The following TIAM1 variants were observed in gnomAD, a reference collection of about 807,000 sequenced individuals.
TIAM1 encodes TIAM Rac1 associated GEF 1, also known as rho guanine nucleotide exchange factor TIAM1.
A neutral mutation model predicts 163.5 loss-of-function variants in TIAM1; 65 were observed. The ratio of observed to expected loss-of-function variants is 0.40; its 90% CI spans 0.33 to 0.49. TIAM1 has a LOEUF of 0.49. TIAM1 is among the 20% of genes least tolerant of loss of function. The pLI, the probability that TIAM1 is intolerant of heterozygous loss-of-function variation, is 0.77. For synonymous variants in TIAM1, 833 were observed against 810.1 expected, an observed-to-expected ratio of 1.03 and a Z score of -0.48; for missense variants, 1,789 against 2,044.7, an observed-to-expected ratio of 0.87 and a Z score of 2.41.
At chr21:31,385,625 C>T (rs2076852623) in intron 2 of TIAM1, among the ~76,000 whole-genome samples, 1 of 150,058 alleles carries the variant, frequency 6.7e-6, no homozygotes, top group Non-Finnish European at 1.5e-5. Context: ...GGTAAGGTCC[C>T]AAAACTACAA....
intron 2 of TIAM1, among the ~76,000 whole-genome samples, chr21:31,442,867 G>A (rs934093373): frequency 6.6e-6 from 1 of 152,172 alleles, no homozygotes; most frequent in African/African-American, 2.4e-5. Flanking sequence ...AATAAGCTGA[G>A]GAAGGAGAAA....
At chr21:31,442,539 T>G (rs1486025316) in intron 2 of TIAM1, among the ~76,000 whole-genome samples, 1 of 152,102 alleles carries the variant, frequency 6.6e-6, no homozygotes, top group Admixed American at 6.6e-5. Flanking sequence ...AGCCGGGAGA[T>G]TCTTGCAATC....
At chr21:31,346,962 C>A (rs1449318599), upstream of TIAM1, among the ~76,000 whole-genome samples, 2 of 151,838 alleles carry the variant, frequency 1.3e-5, no homozygotes, top group African/African-American at 4.8e-5. Context: ...GGGAGAAGAG[C>A]TTTTTGTTGT....
chr21:31,429,081 C>T (rs2043903796), intron 2 of TIAM1, among the ~76,000 whole-genome samples: 1 of 151,128 alleles, frequency 6.6e-6, no homozygotes, highest in Non-Finnish European at 1.5e-5. Flanking sequence ...CTCACTGCAA[C>T]CTCTGCCTCC....
chr21:31,376,542 T>TA (rs1488075320), intron 2 of TIAM1, among the ~76,000 whole-genome samples: 1 of 152,178 alleles, frequency 6.6e-6, no homozygotes, highest in Non-Finnish European at 1.5e-5. Context: ...GCATTTTGCT[T>TA]AGGCTACCAT....
chr21:31,528,637 T>C (rs1437627882), intron 1 of TIAM1, among the ~76,000 whole-genome samples: 1 of 151,504 alleles, frequency 6.6e-6, no homozygotes, highest in African/African-American at 2.4e-5. Flanking sequence ...ACCCTGTCTC[T>C]ACTAAAAAAA....
At chr21:31,546,586 AACCAGAGCATGCCTG>A (rs2048502611) in intron 1 of TIAM1, among the ~76,000 whole-genome samples, 1 of 151,586 alleles carries the variant, frequency 6.6e-6, no homozygotes, top group Non-Finnish European at 1.5e-5. Context: ...GAAAGAAAGA[AACCAGAGCATGCCTG>A]AGAAAAATGG....
intron 2 of TIAM1, among the ~76,000 whole-genome samples, chr21:31,432,957 T>C (rs1290175968): frequency 1.3e-5 from 2 of 152,192 alleles, no homozygotes; most frequent in Non-Finnish European, 2.9e-5. Context: ...GGAGGGGACA[T>C]TCTGTGCATT....
At chr21:31,244,069 G>A (rs1259949903) in intron 6 of TIAM1, among the ~76,000 whole-genome samples, 1 of 152,132 alleles carries the variant, frequency 6.6e-6, no homozygotes, top group African/African-American at 2.4e-5. Flanking sequence ...ATTACTTTAT[G>A]ATAGCTCACT....
At chr21:31,146,453 G>A (rs938765904) in intron 20 of TIAM1, among the ~76,000 whole-genome samples, 8 of 149,626 alleles carry the variant, frequency 5.3e-5, no homozygotes, top group African/African-American at 2.0e-4. Context: ...GCTCACGCCT[G>A]TAATCCCAGC....
intron 27 of TIAM1, 104 bp downstream of exon 27, chr21:31,124,418 C>A (rs1234260152): frequency 1.3e-6 from 2 of 1,483,396 alleles, no homozygotes; most frequent in Non-Finnish European, 1.8e-6. Flanking sequence ...TCAGCCCCCA[C>A]CAGGCCACAC....
chr21:31,342,762 C>T (rs1373672329), intron 1 of TIAM1, among the ~76,000 whole-genome samples: 2 of 152,092 alleles, frequency 1.3e-5, no homozygotes, highest in Non-Finnish European at 2.9e-5. Context: ...GGGCTCTAGC[C>T]CTGGATCATG....
chr21:31,162,997 C>T (rs541446848), intron 16 of TIAM1, among the ~76,000 whole-genome samples: 86 of 152,218 alleles, frequency 5.6e-4, no homozygotes, highest in African/African-American at 2.0e-3. Flanking sequence ...CTGCCAGAAC[C>T]TCATATTATA....
chr21:31,413,973 G>T (rs1344198074), intron 2 of TIAM1, among the ~76,000 whole-genome samples: 1 of 152,194 alleles, frequency 6.6e-6, no homozygotes, highest in Non-Finnish European at 1.5e-5. Flanking sequence ...TGGGAGTGGT[G>T]CATTCTTCCA....
chr21:31,345,845 G>A (rs2076138069), upstream of TIAM1, among the ~76,000 whole-genome samples: 1 of 152,172 alleles, frequency 6.6e-6, no homozygotes, highest in African/African-American at 2.4e-5. Context: ...AGCTACTCAG[G>A]AGGCTGAGGC....
At chr21:31,238,259 C>T (rs1334987895) in intron 6 of TIAM1, among the ~76,000 whole-genome samples, 1 of 152,176 alleles carries the variant, frequency 6.6e-6, no homozygotes, top group East Asian at 1.9e-4. Flanking sequence ...CATTCTGATT[C>T]GGCTGCTCCA....
rs1333644516 is a variant in TIAM1, at chr21:31,251,891, C to A, written c.1262G>T (p.Gly421Val). ...EQSSGTLSSP[G>V]QSDILLTAAQ... ...GGCGGTCAGCAGGATGTCCGACTGG[C>A]CCGGAGAGCTCAGGGTGCCGCTGCT... The change falls in exon 5 of 28, where the codon GGC (glycine) becomes GTC (valine). Residue 421 changes from glycine to valine, a missense_variant. Physicochemically the swap from Gly to Val is moderately radical, Grantham distance 109. Coordinates refer to ENST00000541036, the MANE Select transcript of TIAM1 (RefSeq NM_001353694.2). 2.5e-6 allele frequency: 4 copies of A among 1,613,714 alleles called. No homozygotes were observed. Among genetic ancestry groups the A allele is most frequent in the Non-Finnish European group, 3.4e-6 (4 of 1,179,926 alleles).
At chr21:31,185,415 T>C (rs2085239106) in intron 14 of TIAM1, among the ~76,000 whole-genome samples, 1 of 135,044 alleles carries the variant, frequency 7.4e-6, no homozygotes, top group African/African-American at 3.1e-5. Context: ...TAATTATATA[T>C]AATTATGTTA....
intron 2 of TIAM1, among the ~76,000 whole-genome samples, chr21:31,302,874 C>A (rs1480544789): frequency 6.6e-6 from 1 of 152,118 alleles, no homozygotes; most frequent in African/African-American, 2.4e-5. Context: ...TTTAAAATCT[C>A]CTGAAACAGC....
Sources: gnomAD v4.1 joint callset for allele counts (sites outside exome capture counted in the v4.1 genomes callset) on GRCh38, gnomAD v4.1.1 for gene constraint, MANE v1.5 for transcripts, NCBI Gene and HGNC (gene_info 2026-07-23, HGNC 2026-07-21) for gene names.